CROCC2: variants seen among roughly 807,000 people sequenced by gnomAD.
CROCC2 encodes the protein ciliary rootlet coiled-coil, rootletin family member 2.
A neutral mutation model predicts 177.6 loss-of-function variants in CROCC2; 163 were observed. The ratio of observed to expected loss-of-function variants is 0.92; its 90% CI spans 0.81 to 1.05. CROCC2 has a LOEUF of 1.05. Among genes scored for constraint, CROCC2 ranks in the 50% least tolerant of loss-of-function variants. The pLI is 0.00. For synonymous variants in CROCC2, 904 were observed against 787.3 expected, an observed-to-expected ratio of 1.15 and a Z score of -2.48; for missense variants, 1,929 against 1,797.8, an observed-to-expected ratio of 1.07 and a Z score of -1.32.
intron 19 of CROCC2, among the ~76,000 whole-genome samples, chr2:240,957,776 TC>T (rs1455185160): frequency 1.3e-5 from 2 of 152,082 alleles, no homozygotes; most frequent in Non-Finnish European, 2.9e-5. Context: ...CCTGCTCTGT[TC>T]CTGCCCCTGA....
chr2:240,950,713 A>T, intron 18 of CROCC2: 2 of 540,566 alleles, frequency 3.7e-6, no homozygotes, highest in Non-Finnish European at 3.2e-6. Context: ...TCATTCACCC[A>T]TCCATCCACC....
At position 240,906,776 on chromosome 2, in the gene CROCC2, T is replaced by C. The variant is rs190007017; in HGVS notation, c.78+185T>C. Among the ~76,000 whole-genome samples the C allele has an allele frequency of 2.4e-3, 361 of 152,326 alleles. 1 individual carries two copies. Among genetic ancestry groups the C allele is most frequent in the Non-Finnish European group, 2.4e-3 (166 of 68,014 alleles). ...ACGGATGCAAGCAGGCGCGCCTGCA[T>C]GCACACACAGGCAGCCTTCAGCCAG... On this transcript the variant is annotated intron_variant, in intron 1 of 31. Transcript: ENST00000690015.
Position 240,991,695 on chromosome 2 carries a change from C to T in CROCC2, c.4946+417C>T, listed in dbSNP as rs565208211. 5.5e-4 allele frequency among the ~76,000 whole-genome samples: 84 copies of T among 152,258 alleles called. 1 individual carries two copies. Among genetic ancestry groups the T allele is most frequent in the African/African-American group, 2.0e-3 (81 of 41,534 alleles). ...CAGCCTGCCCCCGCCTGGCACCCTCCCAGCCTGCCCCCGCCTGGCACTCCG... is the reference window on the plus strand; with the variant it reads ...CAGCCTGCCCCCGCCTGGCACCCTCTCAGCCTGCCCCCGCCTGGCACTCCG... On this transcript the variant is annotated intron_variant, in intron 31 of 31. Transcript: ENST00000690015.
At chr2:240,923,054 G>A (rs2059366888) in intron 4 of CROCC2, among the ~76,000 whole-genome samples, 1 of 152,030 alleles carries the variant, frequency 6.6e-6, no homozygotes, top group African/African-American at 2.4e-5. Context: ...TGTACCCATC[G>A]CTATCAGACC....
intron 1 of CROCC2, among the ~76,000 whole-genome samples, chr2:240,906,985 G>A (rs1013944999): frequency 7.5e-5 from 6 of 79,568 alleles, no homozygotes; most frequent in African/African-American, 1.1e-4. Context: ...GAGAGAGCCC[G>A]GGGCCGCTGC....
At chr2:240,992,924 G>A in intron 31 of CROCC2, 142 bp from the exon 32 acceptor site, 1 of 617,878 alleles carries the variant, frequency 1.6e-6, no homozygotes. Flanking sequence ...GGGATGGCCA[G>A]GGCGGGAGGG....
intron 3 of CROCC2, 136 bp from the exon 4 acceptor site, chr2:240,922,403 C>A: frequency 7.0e-6 from 4 of 569,488 alleles, no homozygotes; most frequent in Non-Finnish European, 1.3e-5. Context: ...TCACCAGACC[C>A]AACCCCAGCC....
Position 240,967,596 on chromosome 2 carries a change from C to T in CROCC2, c.4267+131C>T, listed in dbSNP as rs955722864. ...CGGTGGGAAGGGAGCCTGGGGGCAA[C>T]ACCCAAACCACCAGGCCTGGCGAGG... On this transcript the variant is annotated intron_variant, in intron 26 of 31. Transcript: ENST00000690015. 4.0e-6 allele frequency: 6 copies of T among 1,483,410 alleles called. No homozygotes were observed. The African/African-American group carries it at 8.4e-5, about 21-fold the overall frequency. The allele number at this position is 1,483,410 out of a possible 1,614,324, so 91.9% of individuals were successfully genotyped here. A position where few individuals can be genotyped will look rare whatever the true frequency, so the allele number is the denominator to read the frequency against.
In CROCC2 at chr2:240,923,012, C is replaced by G. The variant is rs1317746967; in HGVS notation, c.488+367C>G. 2.6e-4 allele frequency among the ~76,000 whole-genome samples: 39 copies of G among 152,118 alleles called. 1 individual carries two copies. Among genetic ancestry groups the G allele is most frequent in the Admixed American group, 2.6e-3 (39 of 15,284 alleles). On this transcript the variant is annotated intron_variant, in intron 4 of 31. Transcript: ENST00000690015. ...GTCCCAGCCTCTGAGAGCGGCTCAG[C>G]AGCATCCCTATTATAGTAGCTGCAT...
At chr2:240,948,176 G>A (rs2059534365) in intron 15 of CROCC2, among the ~76,000 whole-genome samples, 1 of 152,160 alleles carries the variant, frequency 6.6e-6, no homozygotes. Flanking sequence ...CGGGAGGAGG[G>A]ACCGGAGAGG....
rs771182320 is a variant in CROCC2, at chr2:240,958,150, G to A, written c.2944-1151G>A. 3.1e-5 allele frequency: 31 copies of A among 985,246 alleles called. 1 individual carries two copies. In the South Asian group the frequency reaches 4.7e-4, roughly 15 times the overall value. The allele number at this position is 985,246 out of a possible 1,614,324, so 61.0% of individuals were successfully genotyped here. ...AGAGGAGCGGGAGGAGAGGAATGCCGGCCAAGGAGCACCAGGCGCCAGATG... is the reference window on the plus strand; with the variant it reads ...AGAGGAGCGGGAGGAGAGGAATGCCAGCCAAGGAGCACCAGGCGCCAGATG... On this transcript the variant is annotated intron_variant, in intron 19 of 31. Transcript: ENST00000690015. This position sits in a 1 kb window ranked among gnomAD's most constrained non-coding sequence, Gnocchi z 6.7.
chr2:240,975,719 C>CTTT (rs55896940), intron 27 of CROCC2, among the ~76,000 whole-genome samples: 6 of 88,044 alleles, frequency 6.8e-5, no homozygotes, highest in Non-Finnish European at 1.1e-4. Context: ...AACCAGCCTG[C>CTTT]TTTTTTTTTT....
In CROCC2 at chr2:240,918,513, T is replaced by G. The variant is rs1303544305; in HGVS notation, c.79-213T>G. On this transcript the variant is annotated intron_variant, in intron 1 of 31. Transcript: ENST00000690015. The surrounding 1 kb of genome is among the most constrained non-coding windows in gnomAD (Gnocchi z 6.3). ...TGACCTCGGCTGGGTGTGGTCCTCC[T>G]CTCCAGAACCTGGGGACAGGCGCAG... 6.6e-6 allele frequency among the ~76,000 whole-genome samples: 1 copy of G among 152,000 alleles called. No homozygotes were observed. The highest frequency in any genetic ancestry group is 1.5e-5 in the Non-Finnish European group (1 of 67,982).
Position 240,918,683 on chromosome 2 carries a change from T to G in CROCC2, c.79-43T>G. 1 of 538,772 alleles carries G rather than the reference T, an allele frequency of 1.9e-6. No individual in the cohort carries two copies. The highest frequency in any genetic ancestry group is 3.7e-5 in the Admixed American group (1 of 27,086). The allele number at this position is 538,772 out of a possible 1,614,324, so 33.4% of individuals were successfully genotyped here. ...GATCGTAGAGGGTGCCTGGCAGCTG[T>G]TGGGGGCTGCCATCTCCAGGTATCT... On this transcript the variant is annotated intron_variant, in intron 1 of 31. Coordinates refer to ENST00000690015, the MANE Select transcript of CROCC2 (RefSeq NM_001351305.2). This position sits in a 1 kb window ranked among gnomAD's most constrained non-coding sequence, Gnocchi z 6.3.
rs1258597550 is a variant in CROCC2 at position 240,949,036 on chromosome 2, G to A, written c.2421G>A (p.Lys807=). The A allele has an allele frequency of 2.6e-6, 4 of 1,549,782 alleles. No individual in the cohort carries two copies. In the African/African-American group the frequency reaches 4.1e-5, roughly 16 times the overall value. Reference sequence around the variant, plus strand: ...TTGAGGCCCAACAGCTGGCCACAAAGCTGCAGGAGCAGCTGGAGGAGGAAG... The same window carrying A: ...TTGAGGCCCAACAGCTGGCCACAAAACTGCAGGAGCAGCTGGAGGAGGAAG... ...SLLEAQQLAT[K]LQEQLEEEAR... is the part of the protein sequence containing the mutation. Residue 807 remains lysine (K), a synonymous_variant, in exon 16 of 32, where the codon AAG becomes AAA. Coordinates refer to ENST00000690015, the MANE Select transcript of CROCC2 (RefSeq NM_001351305.2). The surrounding 1 kb of genome is among the most constrained non-coding windows in gnomAD (Gnocchi z 4.5).
intron 1 of CROCC2, among the ~76,000 whole-genome samples, chr2:240,915,787 G>T (rs2059316143): frequency 6.6e-6 from 1 of 152,130 alleles, no homozygotes. Flanking sequence ...TCCACTCAGG[G>T]GCTGTGACCT....
intron 4 of CROCC2, among the ~76,000 whole-genome samples, chr2:240,922,962 G>C (rs2059366295): frequency 6.6e-6 from 1 of 152,090 alleles, no homozygotes; most frequent in Admixed American, 6.5e-5. Flanking sequence ...CTCAGCGTGG[G>C]CCTCTCACGC....
At chr2:240,925,961 A>G (rs998336151) in intron 5 of CROCC2, 81 bp downstream of exon 5, 12 of 626,446 alleles carry the variant, frequency 1.9e-5, no homozygotes, top group Non-Finnish European at 3.5e-5. Context: ...GGACATGGTG[A>G]GGGTGCACTG....
chr2:240,961,494 GCA>G (rs1404353183), intron 20 of CROCC2, among the ~76,000 whole-genome samples: 1 of 148,540 alleles, frequency 6.7e-6, no homozygotes, highest in Non-Finnish European at 1.5e-5. Flanking sequence ...ACACATACAT[GCA>G]CACACGTATG....
Sources: gnomAD v4.1 joint callset for allele counts (sites outside exome capture counted in the v4.1 genomes callset) on GRCh38, gnomAD v4.1.1 for gene constraint, Gnocchi (gnomAD v3.1) non-coding constraint, MANE v1.5 for transcripts, NCBI Gene and HGNC (gene_info 2026-07-23, HGNC 2026-07-21) for gene names.